Variants in COL23A1 observed in about 807,000 individuals in gnomAD.
The protein encoded by COL23A1 is collagen alpha-1(XXIII) chain.
Under a neutral mutation model 99.3 loss-of-function variants are expected in COL23A1, and 97 were observed. The observed-to-expected ratio is 0.98, with a 90% CI of 0.83 to 1.16. COL23A1 has a LOEUF of 1.16. Ranked by LOEUF, COL23A1 falls within the 50% of genes most tolerant of loss-of-function variation. COL23A1 has a pLI of 0.00. For missense variants in COL23A1, 762 were observed against 757.4 expected, an observed-to-expected ratio of 1.01 and a Z score of -0.07; for synonymous variants, 320 against 308.2, an observed-to-expected ratio of 1.04 and a Z score of -0.40.
At chr5:178,530,231 T>C (rs756990016) in intron 2 of COL23A1, among the ~76,000 whole-genome samples, 5 of 151,990 alleles carry the variant, frequency 3.3e-5, no homozygotes, top group Non-Finnish European at 4.4e-5. Flanking sequence ...GAAGCTGAGG[T>C]GGAAGGATCA....
chr5:178,569,640 T>C lies in COL23A1; in HGVS notation c.295-8892A>G, dbSNP rs373026930. ...GGTCAGAGGCTGGGCATAACTGCAGTTGGTCTCTGCTCAGGTTCTCGAGGC... is the reference window on the plus strand; with the variant it reads ...GGTCAGAGGCTGGGCATAACTGCAGCTGGTCTCTGCTCAGGTTCTCGAGGC... On this transcript the variant is annotated intron_variant, in intron 1 of 28. Transcript: ENST00000390654. Among the ~76,000 whole-genome samples, 34 of 152,196 alleles carry C rather than the reference T, an allele frequency of 2.2e-4. 1 individual carries two copies. Among genetic ancestry groups the C allele is most frequent in the East Asian group, 1.9e-3 (10 of 5,198 alleles).
chr5:178,364,078 G>C (rs561024375), intron 2 of COL23A1, among the ~76,000 whole-genome samples: 2 of 152,140 alleles, frequency 1.3e-5, no homozygotes, highest in Non-Finnish European at 2.9e-5. Flanking sequence ...CTACCACCTC[G>C]GTCCCGCCCC....
intron 2 of COL23A1, among the ~76,000 whole-genome samples, chr5:178,321,971 C>T (rs13185959): frequency 0.36 from 54,367 of 151,210 alleles, 10,408 homozygotes; most frequent in African/African-American, 0.47. Context: ...TGCACCACCA[C>T]GCCTGACTAT....
intron 2 of COL23A1, among the ~76,000 whole-genome samples, chr5:178,532,569 A>G (rs1462036134): frequency 6.6e-6 from 1 of 152,138 alleles, no homozygotes; most frequent in Non-Finnish European, 1.5e-5. Context: ...TTCCCATTTT[A>G]CAGAAGGGGA....
At chr5:178,363,716 C>T (rs555584336) in intron 2 of COL23A1, among the ~76,000 whole-genome samples, 6 of 152,318 alleles carry the variant, frequency 3.9e-5, no homozygotes, top group African/African-American at 1.4e-4. Flanking sequence ...TGGGTGTCGG[C>T]TGCAGGTCTG....
chr5:178,518,442 A>G (rs1190634728), intron 2 of COL23A1, among the ~76,000 whole-genome samples: 1 of 149,658 alleles, frequency 6.7e-6, no homozygotes, highest in Non-Finnish European at 1.5e-5. Context: ...GTGGCCGGGC[A>G]GAGGGGCTCC....
In COL23A1 at chr5:178,465,906, G is replaced by C. The variant is rs548933049; in HGVS notation, c.361+94776C>G. Among the ~76,000 whole-genome samples, 44 of 152,300 alleles carry C rather than the reference G, an allele frequency of 2.9e-4. No individual in the cohort carries two copies. The South Asian group carries it at 9.1e-3, about 32-fold the overall frequency. Reference sequence around the variant, plus strand: ...TCGCCGCTTGCCTGGCTTCCTGCCTGCTCCGGATGGCGAGTCTAACTCAGC... The same window carrying C: ...TCGCCGCTTGCCTGGCTTCCTGCCTCCTCCGGATGGCGAGTCTAACTCAGC... On this transcript the variant is annotated intron_variant, in intron 2 of 28. Transcript: ENST00000390654.
In COL23A1 at chr5:178,307,741, G is replaced by A. The variant is rs138747844; in HGVS notation, c.362-822C>T. Among the ~76,000 whole-genome samples the A allele has an allele frequency of 2.6e-3, 390 of 152,238 alleles. 4 individuals are homozygous for A. Among genetic ancestry groups the A allele is most frequent in the South Asian group, 0.022 (104 of 4,822 alleles). On this transcript the variant is annotated intron_variant, in intron 2 of 28. Coordinates refer to ENST00000390654, the MANE Select transcript of COL23A1 (RefSeq NM_173465.4). The surrounding 1 kb of genome is among the most constrained non-coding windows in gnomAD (Gnocchi z 4.2). Reference sequence around the variant, plus strand: ...GCCATCCTTCCTGGCGCCCCTTCTCGCCCCTGTTTCAGTGAAGTTGGGTGC... The same window carrying A: ...GCCATCCTTCCTGGCGCCCCTTCTCACCCCTGTTTCAGTGAAGTTGGGTGC...
At chr5:178,517,755 T>G (rs1271865624) in intron 2 of COL23A1, among the ~76,000 whole-genome samples, 1 of 151,106 alleles carries the variant, frequency 6.6e-6, no homozygotes, top group Non-Finnish European at 1.5e-5. Flanking sequence ...AGAGACGGGG[T>G]TTCACCATGT....
At chr5:178,354,671 T>A (rs1220899625) in intron 2 of COL23A1, among the ~76,000 whole-genome samples, 1 of 152,202 alleles carries the variant, frequency 6.6e-6, no homozygotes, top group African/African-American at 2.4e-5. Context: ...CCCTTCACCA[T>A]CCACCATGAT....
At chr5:178,440,139 A>G (rs1766781783) in intron 2 of COL23A1, among the ~76,000 whole-genome samples, 1 of 152,204 alleles carries the variant, frequency 6.6e-6, no homozygotes, top group African/African-American at 2.4e-5. Flanking sequence ...TCCACTTACA[A>G]TAGGTGAATT....
intron 2 of COL23A1, among the ~76,000 whole-genome samples, chr5:178,424,635 C>T (rs1178682023): frequency 2.6e-5 from 4 of 152,206 alleles, no homozygotes; most frequent in Non-Finnish European, 5.9e-5. Flanking sequence ...TTCTGCAGGT[C>T]AGGACTAATG....
intron 2 of COL23A1, among the ~76,000 whole-genome samples, chr5:178,533,654 C>T (rs1335351692): frequency 7.2e-5 from 11 of 152,166 alleles, no homozygotes; most frequent in South Asian, 4.1e-4. Flanking sequence ...TGCACCACCA[C>T]GCCCGGCTAA....
chr5:178,247,733 T>C (rs1764781924), intron 21 of COL23A1, 42 bp downstream of exon 21: 1 of 1,605,902 alleles, frequency 6.2e-7, no homozygotes, highest in Non-Finnish European at 8.5e-7. Context: ...GCCTCTTGGT[T>C]TCCTGGCTGC....
At chr5:178,537,276 G>T (rs369371043) in intron 2 of COL23A1, among the ~76,000 whole-genome samples, 1 of 152,176 alleles carries the variant, frequency 6.6e-6, no homozygotes, top group Non-Finnish European at 1.5e-5. Context: ...CCTCCCTGCC[G>T]CACCCTCAGG....
chr5:178,484,193 G>A (rs993318520), intron 2 of COL23A1, among the ~76,000 whole-genome samples: 3 of 151,998 alleles, frequency 2.0e-5, no homozygotes, highest in African/African-American at 7.3e-5. Flanking sequence ...CAAAGTGCTG[G>A]GATTACAGGT....
rs1382165480 is a variant in COL23A1, at chr5:178,498,233, T to TAC, written c.361+62448_361+62449insGT. On this transcript the variant is annotated intron_variant, in intron 2 of 28. Coordinates refer to ENST00000390654, the MANE Select transcript of COL23A1 (RefSeq NM_173465.4). ...ATATATATATATATATATATATATATATATATATATATATATATATATATA... is the reference window on the plus strand; with the variant it reads ...ATATATATATATATATATATATATATACATATATATATATATATATATATATA... Among the ~76,000 whole-genome samples, 534 of 54,414 alleles carry TAC rather than the reference T, an allele frequency of 9.8e-3. 23 individuals are homozygous for TAC. The highest frequency in any genetic ancestry group is 0.064 in the African/African-American group (506 of 7,908). 35.7% of individuals were successfully genotyped at this position (54,414 alleles called of 152,430 possible). A position where few individuals can be genotyped will look rare whatever the true frequency, so the allele number is the denominator to read the frequency against.
chr5:178,368,531 C>T (rs1050341122), intron 2 of COL23A1, among the ~76,000 whole-genome samples: 1 of 152,192 alleles, frequency 6.6e-6, no homozygotes, highest in Non-Finnish European at 1.5e-5. Context: ...TGACACGTAG[C>T]CACCGCTATA....
intron 2 of COL23A1, among the ~76,000 whole-genome samples, chr5:178,416,165 A>G (rs939439473): frequency 2.0e-5 from 3 of 152,170 alleles, no homozygotes; most frequent in Non-Finnish European, 2.9e-5. Flanking sequence ...CCCAATATAG[A>G]CAAGAGATGA....
Sources: gnomAD v4.1 joint callset for allele counts (sites outside exome capture counted in the v4.1 genomes callset) on GRCh38, gnomAD v4.1.1 for gene constraint, Gnocchi (gnomAD v3.1) non-coding constraint, MANE v1.5 for transcripts, NCBI Gene and HGNC (gene_info 2026-07-23, HGNC 2026-07-21) for gene names.